Variants in MMP16 observed in about 807,000 individuals in gnomAD.
MMP16 encodes matrix metallopeptidase 16, also known as matrix metalloproteinase-16.
In MMP16, 12 loss-of-function variants were observed where a neutral mutation model predicts 67.8. The observed-to-expected ratio is 0.18, with a 90% CI of 0.11 to 0.29. The LOEUF is 0.29. Ranked by LOEUF, MMP16 falls within the 10% of genes least tolerant of loss-of-function variation. The probability of loss-of-function intolerance (pLI) is 1.00; values close to 1 mark genes in which losing one functional copy is unlikely to be tolerated. For missense variants in MMP16, 475 were observed against 765.7 expected, an observed-to-expected ratio of 0.62 and a Z score of 4.48; for synonymous variants, 249 against 255.9, an observed-to-expected ratio of 0.97 and a Z score of 0.26.
intron 1 of MMP16, among the ~76,000 whole-genome samples, chr8:88,221,068 G>A (rs1048689992): frequency 6.6e-6 from 1 of 151,860 alleles, no homozygotes; most frequent in African/African-American, 2.4e-5. Context: ...AAAGCTTCAG[G>A]ACTTAGGAAT....
chr8:88,074,483 C>A, intron 7 of MMP16, 122 bp downstream of exon 7: 1 of 781,148 alleles, frequency 1.3e-6, no homozygotes, highest in Non-Finnish European at 1.8e-6. Context: ...TTCTAGTTAA[C>A]ATAGTTTATT....
intron 3 of MMP16, among the ~76,000 whole-genome samples, chr8:88,174,312 C>T (rs986334064): frequency 2.0e-5 from 3 of 151,866 alleles, no homozygotes; most frequent in Non-Finnish European, 4.4e-5. Flanking sequence ...ACTTAGATTT[C>T]GAAGAGAAAA....
At chr8:88,183,594 T>C (rs908355849) in intron 3 of MMP16, among the ~76,000 whole-genome samples, 4 of 152,132 alleles carry the variant, frequency 2.6e-5, no homozygotes, top group African/African-American at 9.7e-5. Context: ...AGAGGAGAGG[T>C]AGCAGATACT....
At chr8:88,109,018 T>G (rs1228742680) in intron 6 of MMP16, among the ~76,000 whole-genome samples, 1 of 151,276 alleles carries the variant, frequency 6.6e-6, no homozygotes, top group Non-Finnish European at 1.5e-5. Flanking sequence ...GCATTGGGAA[T>G]AGAAGAACAA....
chr8:88,172,922 TATAATAA>T (rs1170692298), intron 3 of MMP16, among the ~76,000 whole-genome samples: 3 of 152,112 alleles, frequency 2.0e-5, no homozygotes, highest in Admixed American at 6.6e-5. Context: ...AGCAAAATAA[TATAATAA>T]AAATAAATGT....
chr8:88,095,606 T>C (rs893639750), intron 6 of MMP16, among the ~76,000 whole-genome samples: 3 of 151,878 alleles, frequency 2.0e-5, no homozygotes, highest in African/African-American at 7.2e-5. Context: ...TACCACCTGA[T>C]TCATTAGGGA....
chr8:88,150,830 T>A (rs1808392654), intron 4 of MMP16, among the ~76,000 whole-genome samples: 1 of 150,284 alleles, frequency 6.7e-6, no homozygotes. Context: ...CCAGCTAACA[T>A]CATAATGACA....
At chr8:88,146,647 G>T (rs956328500) in intron 4 of MMP16, among the ~76,000 whole-genome samples, 6 of 151,674 alleles carry the variant, frequency 4.0e-5, no homozygotes, top group African/African-American at 1.2e-4. Context: ...AAATAAATAA[G>T]AATTTTATAT....
At chr8:88,143,019 C>A (rs993324946) in intron 4 of MMP16, among the ~76,000 whole-genome samples, 4 of 152,062 alleles carry the variant, frequency 2.6e-5, no homozygotes, top group Admixed American at 2.6e-4. Context: ...TGGGTATCTG[C>A]CTAGATCGGT....
chr8:88,186,647 A>T, intron 2 of MMP16, 49 bp from the exon 3 acceptor site: 1 of 1,564,110 alleles, frequency 6.4e-7, no homozygotes, highest in East Asian at 2.2e-5. Context: ...CCAGTTATTT[A>T]CTAACAACCC....
chr8:88,250,175 T>C (rs572640997), intron 1 of MMP16, among the ~76,000 whole-genome samples: 42 of 152,112 alleles, frequency 2.8e-4, no homozygotes, highest in Non-Finnish European at 4.1e-4. Flanking sequence ...GTACCCAAAA[T>C]GTTCCATTCC....
chr8:88,299,259 C>T (rs541926038), intron 1 of MMP16, among the ~76,000 whole-genome samples: 2 of 152,162 alleles, frequency 1.3e-5, no homozygotes, highest in African/African-American at 2.4e-5. Flanking sequence ...AATGCATAAA[C>T]CCTGGCTTCG....
rs1807818181 is a variant in MMP16 at position 88,120,839 on chromosome 8, A to G, written c.710-1978T>C. 2.0e-5 allele frequency among the ~76,000 whole-genome samples: 3 copies of G among 151,882 alleles called. No homozygotes were observed. The South Asian group carries it at 6.2e-4, about 31-fold the overall frequency. On this transcript the variant is annotated intron_variant, in intron 4 of 9. Coordinates refer to ENST00000286614, the MANE Select transcript of MMP16 (RefSeq NM_005941.5). The stretch of plus-strand genomic sequence containing the variant: ...ACTTACAGGGATTATATCTTGTTTT[A>G]ATCTTTACAGGGAAAAAAAAAATTC...
At chr8:88,136,786 C>T (rs1336944254) in intron 4 of MMP16, among the ~76,000 whole-genome samples, 1 of 151,332 alleles carries the variant, frequency 6.6e-6, no homozygotes, top group Non-Finnish European at 1.5e-5. Flanking sequence ...TGGAGTTGTT[C>T]TGGTTTGGCA....
chr8:88,250,746 T>A (rs1452699621), intron 1 of MMP16, among the ~76,000 whole-genome samples: 1 of 151,582 alleles, frequency 6.6e-6, no homozygotes, highest in African/African-American at 2.4e-5. Flanking sequence ...GGTGTAGTCT[T>A]CCTAATCCTC....
At chr8:88,159,025 A>G (rs1808565696) in intron 4 of MMP16, among the ~76,000 whole-genome samples, 3 of 152,022 alleles carry the variant, frequency 2.0e-5, no homozygotes, top group Admixed American at 1.3e-4. Context: ...ATTTGTCTAT[A>G]TCTCTGTTTT....
intron 1 of MMP16, among the ~76,000 whole-genome samples, chr8:88,298,698 G>A (rs1311290211): frequency 1.3e-5 from 2 of 152,162 alleles, no homozygotes; most frequent in African/African-American, 4.8e-5. Flanking sequence ...CAGGAAAAAA[G>A]TGACCGCAGG....
At chr8:88,049,381 G>T (rs1808241470) in intron 8 of MMP16, among the ~76,000 whole-genome samples, 1 of 152,068 alleles carries the variant, frequency 6.6e-6, no homozygotes, top group South Asian at 2.1e-4. Flanking sequence ...GTGATGAATG[G>T]TTAATGCAGC....
At chr8:88,125,591 G>A (rs1807916330) in intron 4 of MMP16, among the ~76,000 whole-genome samples, 1 of 151,816 alleles carries the variant, frequency 6.6e-6, no homozygotes, top group Non-Finnish European at 1.5e-5. Context: ...GAATAATCAA[G>A]GCCAAACTAT....
Sources: allele counts gnomAD v4.1 joint callset (sites outside exome capture counted in the v4.1 genomes callset), GRCh38; gene constraint gnomAD v4.1.1; transcripts MANE v1.5; gene names NCBI Gene and HGNC (gene_info 2026-07-23, HGNC 2026-07-21).